SP140: variants seen among roughly 807,000 people sequenced by gnomAD.
The protein encoded by SP140 is nuclear body protein SP140.
Under a neutral mutation model 125.0 loss-of-function variants are expected in SP140, and 81 were observed. The ratio of observed to expected loss-of-function variants is 0.65; its 90% CI spans 0.54 to 0.78. SP140 has a LOEUF of 0.78. Among genes scored for constraint, SP140 ranks in the 30% least tolerant of loss-of-function variants. SP140 has a pLI of 0.00. For synonymous variants in SP140, 312 were observed against 354.0 expected (o/e 0.88, Z 1.33); for missense variants, 858 against 1,037.0 (o/e 0.83, Z 2.37).
intron 3 of SP140, among the ~76,000 whole-genome samples, chr2:230,220,450 C>G (rs1299678325): frequency 6.6e-6 from 1 of 152,120 alleles, no homozygotes; most frequent in Non-Finnish European, 1.5e-5. Context: ...ATGCCTAGAA[C>G]TTGTCAGGAT....
the SP140 span, among the ~76,000 whole-genome samples, chr2:230,187,147 C>T: frequency 6.0e-3 from 913 of 152,270 alleles, 5 homozygotes; most frequent in South Asian, 0.016. Context: ...CTTTTCACCA[C>T]GTCCATGTTA....
At chr2:230,257,825 A>T (rs1304720341) in intron 12 of SP140, among the ~76,000 whole-genome samples, 1 of 152,114 alleles carries the variant, frequency 6.6e-6, no homozygotes, top group Non-Finnish European at 1.5e-5. Flanking sequence ...GGCTGAATTT[A>T]TTGTTCAGTT....
chr2:230,255,444 T>C lies in SP140; in HGVS notation c.1160-8T>C. ...GAGACCTCTGAGGGATTTCCTTCCTTTCTGCAGAGGGCAGTGATGACTGTT... is the reference window on the plus strand; with the variant it reads ...GAGACCTCTGAGGGATTTCCTTCCTCTCTGCAGAGGGCAGTGATGACTGTT... On this transcript the variant is annotated splice_region_variant and splice_polypyrimidine_tract_variant and intron_variant, in intron 11 of 26. Transcript: ENST00000392045. The C allele has an allele frequency of 6.2e-7, 1 of 1,613,984 alleles. No individual in the cohort carries two copies. The highest frequency in any genetic ancestry group is 8.5e-7 in the Non-Finnish European group (1 of 1,179,868).
chr2:230,311,693 T>C (rs1403276901), intron 26 of SP140, 98 bp downstream of exon 26: 2 of 1,446,770 alleles, frequency 1.4e-6, no homozygotes, highest in Non-Finnish European at 1.9e-6. Flanking sequence ...TGTAATAAGC[T>C]TGCACGAGCA....
chr2:230,248,178 G>A, intron 8 of SP140, 113 bp downstream of exon 8: 4 of 951,770 alleles, frequency 4.2e-6, no homozygotes, highest in East Asian at 2.4e-5. Context: ...TTACTGGATT[G>A]CACAAGAGCT....
At chr2:230,202,544 G>T, upstream of SP140, 1 of 1,609,264 alleles carries the variant, frequency 6.2e-7, no homozygotes, top group South Asian at 1.1e-5. Flanking sequence ...CCCACACTGA[G>T]CCATTCAAAT....
At position 230,309,956 on chromosome 2, in the gene SP140, G is replaced by T; in HGVS notation, c.2091G>T (p.Arg697=). 1 of 1,614,142 alleles carries T rather than the reference G, an allele frequency of 6.2e-7. No homozygotes were observed. The highest frequency in any genetic ancestry group is 1.1e-5 in the South Asian group (1 of 91,078). ...ACCTGGATGAGTGTGAGGTGTGCCG[G>T]GACGGAGGGGAGCTGTTCTGTTGCG... The part of the protein sequence containing the change: ...MRNLDECEVC[R]DGGELFCCDT... Residue 697 remains arginine (R), a synonymous_variant, in exon 23 of 27, where the codon CGG becomes CGT. Coordinates refer to ENST00000392045, the MANE Select transcript of SP140 (RefSeq NM_007237.5).
chr2:230,195,405 G>GCT, the SP140 span, among the ~76,000 whole-genome samples: 922 of 152,278 alleles, frequency 6.1e-3, 4 homozygotes, highest in African/African-American at 0.021. Context: ...CATAATCTCA[G>GCT]CTCACTGCAA....
intron 3 of SP140, chr2:230,216,667 C>A (rs973565920): frequency 7.1e-6 from 9 of 1,271,004 alleles, no homozygotes; most frequent in Non-Finnish European, 1.0e-5. Context: ...AATGAACATG[C>A]CTGGGCTGGG....
chr2:230,255,865 T>TGGTACTACAG (rs530064293), intron 12 of SP140, among the ~76,000 whole-genome samples: 78 of 152,302 alleles, frequency 5.1e-4, no homozygotes, highest in African/African-American at 1.8e-3. Context: ...TTAAAATATT[T>TGGTACTACAG]TACCAAATAA....
intron 15 of SP140, among the ~76,000 whole-genome samples, chr2:230,271,271 T>C (rs1367016296): frequency 1.3e-5 from 2 of 152,196 alleles, no homozygotes; most frequent in African/African-American, 4.8e-5. Context: ...CCTGAAAGTG[T>C]TGGCATGCCT....
At chr2:230,238,883 A>G (rs967120960) in intron 3 of SP140, 28 of 1,551,544 alleles carry the variant, frequency 1.8e-5, no homozygotes, top group Non-Finnish European at 2.4e-5. Context: ...AAAGCTATGA[A>G]GACAGAAAAG....
chr2:230,260,723 G>A (rs1044757288), intron 12 of SP140, among the ~76,000 whole-genome samples: 1 of 152,128 alleles, frequency 6.6e-6, no homozygotes, highest in Non-Finnish European at 1.5e-5. Flanking sequence ...TTTATGGTTT[G>A]TTTGCTTTGT....
In SP140 at chr2:230,211,651, C is replaced by T. The variant is rs760611494; in HGVS notation, c.-322-2003C>T. 3.0e-4 allele frequency: 244 copies of T among 808,784 alleles called. 2 individuals carry two copies. Among genetic ancestry groups the T allele is most frequent in the Non-Finnish European group, 1.3e-4 (58 of 461,822 alleles). 50.1% of individuals were successfully genotyped at this position (808,784 alleles called of 1,614,324 possible). On this transcript the variant is annotated intron_variant, in intron 1 of 4. Transcript: ENST00000456542. The surrounding 1 kb of genome is among the most constrained non-coding windows in gnomAD (Gnocchi z 4.2). ...GCTCTATTCCAACAAGTAAAAATGA[C>T]GGGGTAACAGCAACCAAGGCCTGGG...
At chr2:230,238,530 C>A in intron 3 of SP140, 149 bp downstream of exon 3, 1 of 800,742 alleles carries the variant, frequency 1.2e-6, no homozygotes, top group Non-Finnish European at 2.0e-6. Context: ...AAAAAACACA[C>A]ATGTCCCATG....
chr2:230,312,254 A>G (rs572716046), intron 26 of SP140, among the ~76,000 whole-genome samples: 2 of 152,370 alleles, frequency 1.3e-5, no homozygotes, highest in South Asian at 2.1e-4. Flanking sequence ...AACCTGGTTA[A>G]TGTAACTTAG....
intron 1 of SP140, among the ~76,000 whole-genome samples, chr2:230,205,915 G>A (rs1319132815): frequency 1.3e-5 from 2 of 152,170 alleles, no homozygotes; most frequent in East Asian, 3.9e-4. Flanking sequence ...TGAATAATCT[G>A]ACTAGTTTAC....
rs191247888 is a variant in SP140, at chr2:230,286,292, A to C, written c.1645+460A>C. Among the ~76,000 whole-genome samples the C allele has an allele frequency of 7.4e-4, 112 of 152,360 alleles. 1 individual carries two copies. The highest frequency in any genetic ancestry group is 3.3e-3 in the East Asian group (17 of 5,186). ...GACCTTTCTGACCTAGTATTAAACT[A>C]CAATGTCTTCCCCAGTTTAAAGCAC... On this transcript the variant is annotated intron_variant, in intron 17 of 26. Coordinates refer to ENST00000392045, the MANE Select transcript of SP140 (RefSeq NM_007237.5).
At chr2:230,204,954 G>A (rs1183240255) in intron 1 of SP140, among the ~76,000 whole-genome samples, 1 of 152,170 alleles carries the variant, frequency 6.6e-6, no homozygotes, top group East Asian at 1.9e-4. Context: ...GTGGTTGACT[G>A]GAGTTTTGAG....
Sources: gnomAD v4.1 joint callset for allele counts (sites outside exome capture counted in the v4.1 genomes callset) on GRCh38, gnomAD v4.1.1 for gene constraint, Gnocchi (gnomAD v3.1) non-coding constraint, MANE v1.5 for transcripts, NCBI Gene and HGNC (gene_info 2026-07-23, HGNC 2026-07-21) for gene names.